EPB41L3: variants seen among roughly 807,000 people sequenced by gnomAD.
EPB41L3 encodes the protein erythrocyte membrane protein band 4.1 like 3, also known as band 4.1-like protein 3.
A neutral mutation model predicts 127.1 loss-of-function variants in EPB41L3; 57 were observed. The ratio of observed to expected loss-of-function variants is 0.45; its 90% confidence interval spans 0.36 to 0.56. The LOEUF (loss-of-function observed/expected upper bound fraction) is 0.56, where lower values mean the gene tolerates loss of function less well. EPB41L3 is among the 20% of genes least tolerant of loss of function. The probability of loss-of-function intolerance (pLI) is 0.00; values close to 1 mark genes in which losing one functional copy is unlikely to be tolerated. For synonymous variants in EPB41L3, 572 were observed against 549.5 expected (o/e 1.04, Z -0.57); for missense variants, 1,273 against 1,372.2 (o/e 0.93, Z 1.14).
chr18:5,620,923 A>T (rs1040263939), intron 1 of EPB41L3, among the ~76,000 whole-genome samples: 2 of 152,086 alleles, frequency 1.3e-5, no homozygotes, highest in African/African-American at 4.8e-5. Context: ...TTGCAATAAG[A>T]TCCTTCAATG....
At chr18:5,583,203 G>A (rs551762327) in intron 3 of EPB41L3, among the ~76,000 whole-genome samples, 4 of 152,226 alleles carry the variant, frequency 2.6e-5, no homozygotes, top group African/African-American at 9.6e-5. Context: ...TGTCCCTACC[G>A]CCCGCCAGAT....
chr18:5,397,301 C>T lies in EPB41L3; in HGVS notation c.2598G>A (p.Ala866=), dbSNP rs775343437. ...VLVEERRVVH[A]SGDASYSAGD... is the part of the protein sequence containing the mutation. Reference sequence around the variant, plus strand: ...CCGCCGAGTAAGAAGCATCCCCACTCGCGTGCACCACACGCCGCTCCTCCA... The same window carrying T: ...CCGCCGAGTAAGAAGCATCCCCACTTGCGTGCACCACACGCCGCTCCTCCA... The change falls in exon 18 of 23, where the codon GCG becomes GCA. Residue 866 remains alanine (A), a synonymous_variant. Transcript: ENST00000341928. This position sits in a 1 kb window ranked among gnomAD's most constrained non-coding sequence, Gnocchi z 4.1. The T allele has an allele frequency of 1.4e-5, 23 of 1,613,988 alleles. No individual in the cohort carries two copies. The highest frequency in any genetic ancestry group is 5.3e-5 in the African/African-American group (4 of 74,940).
intron 3 of EPB41L3, among the ~76,000 whole-genome samples, chr18:5,448,552 C>T (rs1350000177): frequency 6.6e-6 from 1 of 152,004 alleles, no homozygotes; most frequent in Non-Finnish European, 1.5e-5. Context: ...TTTAAGTGAT[C>T]AAATCATTGG....
At chr18:5,469,928 C>A (rs12457611) in intron 3 of EPB41L3, among the ~76,000 whole-genome samples, 1 of 151,924 alleles carries the variant, frequency 6.6e-6, no homozygotes, top group African/African-American at 2.4e-5. Flanking sequence ...TACATGAATG[C>A]GCCACCATGC....
intron 16 of EPB41L3, 42 bp downstream of exon 16, chr18:5,406,735 G>T (rs375756628): frequency 1.3e-6 from 2 of 1,559,364 alleles, no homozygotes; most frequent in South Asian, 1.2e-5. Context: ...AAGGAAGGCG[G>T]GTAAACAGAA....
At chr18:5,488,664 T>C (rs1485229652) in intron 2 of EPB41L3, 9 of 226,916 alleles carry the variant, frequency 4.0e-5, no homozygotes, top group Non-Finnish European at 6.7e-5. Context: ...AAACTCACTC[T>C]AGCCCTTAGA....
chr18:5,603,650 A>T (rs2094613975), intron 3 of EPB41L3, among the ~76,000 whole-genome samples: 1 of 152,156 alleles, frequency 6.6e-6, no homozygotes, highest in South Asian at 2.1e-4. Flanking sequence ...TGGGAGGCCA[A>T]GGCAGGAGGA....
intron 11 of EPB41L3, chr18:5,420,224 G>A (rs1005867408): frequency 1.4e-4 from 49 of 348,516 alleles, no homozygotes; most frequent in African/African-American, 8.9e-4. Flanking sequence ...GTCATGAGGC[G>A]AGGCTGCCGC....
chr18:5,625,220 A>T (rs1008523963), intron 1 of EPB41L3, among the ~76,000 whole-genome samples: 2 of 152,104 alleles, frequency 1.3e-5, no homozygotes, highest in African/African-American at 4.8e-5. Context: ...AAAGAACTGA[A>T]CTGGAAGCAG....
intron 3 of EPB41L3, among the ~76,000 whole-genome samples, chr18:5,581,174 T>C (rs1271786215): frequency 6.6e-6 from 1 of 152,210 alleles, no homozygotes; most frequent in Admixed American, 6.5e-5. Context: ...CATAAACATG[T>C]AGTGGATGAA....
chr18:5,586,236 A>G (rs931729698), intron 3 of EPB41L3, among the ~76,000 whole-genome samples: 1 of 152,218 alleles, frequency 6.6e-6, no homozygotes, highest in Non-Finnish European at 1.5e-5. Flanking sequence ...GCAAAATTCT[A>G]TATTTTGGCA....
chr18:5,619,431 T>C (rs1357078501), intron 1 of EPB41L3, among the ~76,000 whole-genome samples: 1 of 152,194 alleles, frequency 6.6e-6, no homozygotes, highest in East Asian at 1.9e-4. Context: ...AGAAATAATT[T>C]TGTGGGTCAG....
chr18:5,622,887 T>C (rs889881564), intron 1 of EPB41L3, among the ~76,000 whole-genome samples: 7 of 151,598 alleles, frequency 4.6e-5, no homozygotes, highest in African/African-American at 7.3e-5. Context: ...CCTGTGAACA[T>C]TCCATGTTTG....
chr18:5,426,314 C>T (rs957146778), intron 9 of EPB41L3, among the ~76,000 whole-genome samples: 4 of 152,140 alleles, frequency 2.6e-5, no homozygotes, highest in African/African-American at 7.2e-5. Context: ...TCCCTCCTGC[C>T]GAATGTCATC....
chr18:5,495,407 A>C (rs2091058467), intron 1 of EPB41L3, among the ~76,000 whole-genome samples: 1 of 144,034 alleles, frequency 6.9e-6, no homozygotes, highest in Non-Finnish European at 1.5e-5. Context: ...CTTAAAAAAA[A>C]AAAAAAAAAA....
At chr18:5,438,926 T>C (rs1247226639) in intron 5 of EPB41L3, among the ~76,000 whole-genome samples, 1 of 152,186 alleles carries the variant, frequency 6.6e-6, no homozygotes, top group Non-Finnish European at 1.5e-5. Context: ...GCTCCACATC[T>C]CATTAACACT....
At chr18:5,402,100 G>C (rs2074586031) in intron 16 of EPB41L3, among the ~76,000 whole-genome samples, 1 of 151,412 alleles carries the variant, frequency 6.6e-6, no homozygotes, top group Admixed American at 6.6e-5. Flanking sequence ...GACCTACCCT[G>C]ACAGATTTTG....
chr18:5,534,749 C>CTACTGAA (rs2093517710), intron 1 of EPB41L3, among the ~76,000 whole-genome samples: 1 of 152,094 alleles, frequency 6.6e-6, no homozygotes, highest in Non-Finnish European at 1.5e-5. Context: ...AATGAGAAAA[C>CTACTGAA]ATGTACTATG....
At chr18:5,478,207 T>G in intron 3 of EPB41L3, 34 bp downstream of exon 3, 1 of 1,591,808 alleles carries the variant, frequency 6.3e-7, no homozygotes, top group African/African-American at 1.3e-5. Context: ...GCTCTCAATA[T>G]CTAGGACAGA....
Sources: gnomAD v4.1 joint callset for allele counts (sites outside exome capture counted in the v4.1 genomes callset) on GRCh38, gnomAD v4.1.1 for gene constraint, Gnocchi (gnomAD v3.1) non-coding constraint, MANE v1.5 for transcripts, NCBI Gene and HGNC (gene_info 2026-07-23, HGNC 2026-07-21) for gene names.